The following GALNT9 variants were observed in gnomAD, a reference collection of about 807,000 sequenced individuals.
GALNT9 encodes GalNAc transferase 9.
GALNT9 carries 47 observed loss-of-function variants against 63.1 expected under a neutral mutation model. The observed-to-expected ratio is 0.75, with a 90% CI of 0.59 to 0.95. The LOEUF is 0.95. Among genes scored for constraint, GALNT9 ranks in the 40% least tolerant of loss-of-function variants. The pLI is 0.00. For missense variants in GALNT9, 829 were observed against 874.8 expected (o/e 0.95, Z 0.66); for synonymous variants, 396 against 365.7 (o/e 1.08, Z -0.94).
rs1464665582 is a variant in GALNT9, at chr12:132,236,498, T to TG, written c.1077+11411dup. Among the ~76,000 whole-genome samples the TG allele has an allele frequency of 6.6e-6, 1 of 151,636 alleles. No individual in the cohort carries two copies. The highest frequency in any genetic ancestry group is 1.5e-5 in the Non-Finnish European group (1 of 67,872). ...CAGCTCTGCAAAATCATCACAGACG[T>TG]GGGGGGATGGCGTCTCTCCCTCCCC... On this transcript the variant is annotated intron_variant, in intron 6 of 10. Transcript: ENST00000328957. The surrounding 1 kb of genome is among the most constrained non-coding windows in gnomAD (Gnocchi z 5.6).
chr12:132,243,321 C>CAA (rs1878530843), intron 6 of GALNT9, among the ~76,000 whole-genome samples: 1 of 97,932 alleles, frequency 1.0e-5, no homozygotes, highest in Non-Finnish European at 2.0e-5. Context: ...TACACACACA[C>CAA]CACACACCCT....
intron 6 of GALNT9, among the ~76,000 whole-genome samples, chr12:132,229,537 G>T (rs1466917610): frequency 6.6e-6 from 1 of 152,252 alleles, no homozygotes; most frequent in African/African-American, 2.4e-5. Context: ...AGGCCCCAGG[G>T]CCACACTCGC....
At chr12:132,323,455 T>G (rs1868892487) in intron 1 of GALNT9, among the ~76,000 whole-genome samples, 1 of 152,196 alleles carries the variant, frequency 6.6e-6, no homozygotes, top group Non-Finnish European at 1.5e-5. Context: ...GGGGCAGGTC[T>G]GCACAGAGGC....
chr12:132,279,800 C>T lies in GALNT9; in HGVS notation c.419+6450G>A, dbSNP rs1462982177. On this transcript the variant is annotated intron_variant, in intron 2 of 10. Coordinates refer to ENST00000328957, the MANE Select transcript of GALNT9 (RefSeq NM_001122636.2). This position sits in a 1 kb window ranked among gnomAD's most constrained non-coding sequence, Gnocchi z 4.1. ...CAGTGTCCGCCGGGTCTCCTGGATTCACCGTGGTCACTGCCTGGATGCCCA... is the reference window on the plus strand; with the variant it reads ...CAGTGTCCGCCGGGTCTCCTGGATTTACCGTGGTCACTGCCTGGATGCCCA... 1 of 152,236 alleles carries T rather than the reference C, an allele frequency of 6.6e-6. No individual in the cohort carries two copies. The highest frequency in any genetic ancestry group is 1.5e-5 in the Non-Finnish European group (1 of 68,070). The allele number at this position is 152,236 out of a possible 1,614,324, so 9.4% of individuals were successfully genotyped here. A position where few individuals can be genotyped will look rare whatever the true frequency, so the allele number is the denominator to read the frequency against.
intron 6 of GALNT9, among the ~76,000 whole-genome samples, chr12:132,229,202 G>A (rs1877807855): frequency 6.6e-6 from 1 of 152,232 alleles, no homozygotes; most frequent in Non-Finnish European, 1.5e-5. Context: ...TGGCTCACAG[G>A]TGGCCGCTCC....
At chr12:132,229,017 A>G (rs1877801730) in intron 6 of GALNT9, among the ~76,000 whole-genome samples, 1 of 152,154 alleles carries the variant, frequency 6.6e-6, no homozygotes, top group African/African-American at 2.4e-5. Flanking sequence ...GGTGCACAGG[A>G]GCCAGGGGCA....
intron 6 of GALNT9, among the ~76,000 whole-genome samples, chr12:132,228,987 G>A (rs1877800754): frequency 1.3e-5 from 2 of 152,210 alleles, no homozygotes; most frequent in Non-Finnish European, 2.9e-5. Context: ...GAGGCCGCCG[G>A]TGTGGACGGG....
chr12:132,322,951 G>C (rs900172411), intron 1 of GALNT9, among the ~76,000 whole-genome samples: 21 of 152,314 alleles, frequency 1.4e-4, no homozygotes, highest in Admixed American at 1.4e-3. Flanking sequence ...GAAAGCCCAG[G>C]CCACAGGGGC....
At chr12:132,220,209 T>C (rs1877398426) in intron 6 of GALNT9, among the ~76,000 whole-genome samples, 2 of 152,182 alleles carry the variant, frequency 1.3e-5, no homozygotes, top group African/African-American at 4.8e-5. Flanking sequence ...CAGTGAGTGA[T>C]GACTGTACCA....
chr12:132,304,447 C>T, intron 1 of GALNT9, among the ~76,000 whole-genome samples: 1 of 37,598 alleles, frequency 2.7e-5, no homozygotes, highest in Admixed American at 2.8e-4. Context: ...CCGGGCACAC[C>T]CTCGCCCGGG....
At chr12:132,212,210 C>A (rs1257420331) in intron 6 of GALNT9, among the ~76,000 whole-genome samples, 2 of 145,402 alleles carry the variant, frequency 1.4e-5, no homozygotes, top group African/African-American at 2.6e-5. Context: ...GACACGGAAA[C>A]CCCACCCGGG....
chr12:132,243,555 C>T (rs1156481234), intron 6 of GALNT9, among the ~76,000 whole-genome samples: 1 of 152,200 alleles, frequency 6.6e-6, no homozygotes, highest in African/African-American at 2.4e-5. Context: ...CCTCCAGACA[C>T]CACGTCTCTT....
At chr12:132,268,219 TCA>T (rs1485715677) in intron 2 of GALNT9, among the ~76,000 whole-genome samples, 1 of 150,266 alleles carries the variant, frequency 6.7e-6, no homozygotes, top group Non-Finnish European at 1.5e-5. Context: ...ATACACACAT[TCA>T]CACACACTCA....
chr12:132,297,815 C>A (rs1881130127), intron 1 of GALNT9, among the ~76,000 whole-genome samples: 1 of 151,926 alleles, frequency 6.6e-6, no homozygotes, highest in South Asian at 2.1e-4. Flanking sequence ...TAATAACCAA[C>A]TCACTCCCAA....
intron 6 of GALNT9, among the ~76,000 whole-genome samples, chr12:132,227,979 G>A (rs1877759344): frequency 6.6e-6 from 1 of 152,166 alleles, no homozygotes; most frequent in Non-Finnish European, 1.5e-5. Context: ...TGCTGAGGTT[G>A]AGCAGGGGCT....
At chr12:132,240,054 A>C (rs1593076672) in intron 6 of GALNT9, among the ~76,000 whole-genome samples, 1 of 152,194 alleles carries the variant, frequency 6.6e-6, no homozygotes, top group East Asian at 1.9e-4. Flanking sequence ...GAAGATCCAC[A>C]GTCCTTGGGC....
At chr12:132,229,260 G>A (rs1284463782) in intron 6 of GALNT9, among the ~76,000 whole-genome samples, 1 of 152,212 alleles carries the variant, frequency 6.6e-6, no homozygotes, top group African/African-American at 2.4e-5. Context: ...TCCACCGCAG[G>A]TGGAGCCCAC....
chr12:132,267,800 C>CACAT (rs138324682), intron 2 of GALNT9, among the ~76,000 whole-genome samples: 27 of 140,104 alleles, frequency 1.9e-4, no homozygotes, highest in East Asian at 6.2e-4. Flanking sequence ...CGCACTCACA[C>CACAT]GCACTCACAC....
intron 6 of GALNT9, among the ~76,000 whole-genome samples, chr12:132,239,371 C>T (rs1878135612): frequency 7.1e-6 from 1 of 140,514 alleles, no homozygotes; most frequent in Non-Finnish European, 1.5e-5. Flanking sequence ...GAGAGAGACA[C>T]ACAGAGACAG....
Sources: gnomAD v4.1 joint callset for allele counts (sites outside exome capture counted in the v4.1 genomes callset) on GRCh38, gnomAD v4.1.1 for gene constraint, Gnocchi (gnomAD v3.1) non-coding constraint, MANE v1.5 for transcripts, NCBI Gene and HGNC (gene_info 2026-07-23, HGNC 2026-07-21) for gene names.